Variants in PTER observed in about 807,000 individuals in gnomAD.
PTER encodes phosphotriesterase related, also known as N-acetyltaurine hydrolase.
In PTER, 38 loss-of-function variants were observed where a neutral mutation model predicts 29.6. That is an observed-to-expected ratio of 1.28 (90% CI 0.99 to 1.68). The LOEUF (loss-of-function observed/expected upper bound fraction) is 1.68. PTER is among the 40% of genes most tolerant of loss of function. The probability of loss-of-function intolerance (pLI) is 0.00; values close to 1 mark genes in which losing one functional copy is unlikely to be tolerated. For missense variants in PTER, 482 were observed against 427.8 expected, an observed-to-expected ratio of 1.13 and a Z score of -1.12; for synonymous variants, 172 against 154.5, an observed-to-expected ratio of 1.11 and a Z score of -0.84.
At chr10:16,438,432 A>G (rs1213872266) in intron 1 of PTER, among the ~76,000 whole-genome samples, 1 of 147,990 alleles carries the variant, frequency 6.8e-6, no homozygotes, top group Non-Finnish European at 1.5e-5. Context: ...ACAGGTGCAC[A>G]CCACCACGCC....
chr10:16,509,845 T>C (rs986051472), intron 4 of PTER, among the ~76,000 whole-genome samples: 1 of 152,188 alleles, frequency 6.6e-6, no homozygotes, highest in African/African-American at 2.4e-5. Flanking sequence ...TCCTTTGACC[T>C]GCAGATACAA....
At chr10:16,471,566 C>G (rs114611271) in intron 1 of PTER, among the ~76,000 whole-genome samples, 1 of 152,030 alleles carries the variant, frequency 6.6e-6, no homozygotes, top group Admixed American at 6.6e-5. Context: ...ACATACACTC[C>G]GTATAAATTT....
chr10:16,478,701 C>T lies in PTER; in HGVS notation c.-48-5636C>T, dbSNP rs113860443. ...AGAGAAATTTGGGAAGCCACTGGTA[C>T]CAGTTACAAGTTTGTAGACCACAGT... On this transcript the variant is annotated intron_variant, in intron 1 of 4. Transcript: ENST00000535784. 7.7e-3 allele frequency among the ~76,000 whole-genome samples: 1,169 copies of T among 152,012 alleles called. 18 individuals are homozygous for T. The highest frequency in any genetic ancestry group is 0.027 in the African/African-American group (1,113 of 41,454).
chr10:16,484,930 G>A, intron 2 of PTER, 114 bp downstream of exon 2: 1 of 1,228,184 alleles, frequency 8.1e-7, no homozygotes, highest in Non-Finnish European at 1.1e-6. Flanking sequence ...TTGCTAGCTA[G>A]CAAAGACATC....
intron 3 of PTER, among the ~76,000 whole-genome samples, chr10:16,493,289 A>T (rs1380380176): frequency 6.6e-6 from 1 of 152,236 alleles, no homozygotes; most frequent in Admixed American, 6.5e-5. Flanking sequence ...GACAAACTGA[A>T]ACTGAGCAAA....
rs1020222145 is a variant in PTER at position 16,512,794 on chromosome 10, T to C, written c.*1538T>C. The C allele has an allele frequency of 3.3e-5, 5 of 152,634 alleles. No homozygotes were observed. The East Asian group carries it at 9.6e-4, about 29-fold the overall frequency. 9.5% of individuals were successfully genotyped at this position (152,634 alleles called of 1,614,324 possible). A position where few individuals can be genotyped will look rare whatever the true frequency, so the allele number is the denominator to read the frequency against. ...TAAAATCTCTGTTTTTGAAATCTAC[T>C]CGTCAAAGAGTTTTCAGAGGCAATG... On this transcript the variant is annotated 3_prime_UTR_variant, in exon 5 of 5. Transcript: ENST00000535784.
chr10:16,446,242 G>A (rs1307519136), intron 1 of PTER, among the ~76,000 whole-genome samples: 1 of 148,550 alleles, frequency 6.7e-6, no homozygotes, highest in African/African-American at 2.5e-5. Context: ...TTTTGAGATA[G>A]AGTTGGTCTG....
At chr10:16,504,280 C>G (rs1294024845) in intron 3 of PTER, among the ~76,000 whole-genome samples, 1 of 152,146 alleles carries the variant, frequency 6.6e-6, no homozygotes, top group Non-Finnish European at 1.5e-5. Context: ...GTAGCCTGTA[C>G]TTGTCTTACA....
At chr10:16,470,035 T>C (rs1588602868) in intron 1 of PTER, among the ~76,000 whole-genome samples, 1 of 152,312 alleles carries the variant, frequency 6.6e-6, no homozygotes, top group East Asian at 1.9e-4. Context: ...TTGCTATCTA[T>C]TGTTATTGTC....
At chr10:16,514,165 A>G (rs1588639608), downstream of PTER, 2 of 399,358 alleles carry the variant, frequency 5.0e-6, no homozygotes, top group Admixed American at 4.4e-5. Flanking sequence ...CAAAGCTGAC[A>G]TATGGATAAA....
chr10:16,450,111 T>C (rs1194377343), intron 1 of PTER, among the ~76,000 whole-genome samples: 1 of 152,212 alleles, frequency 6.6e-6, no homozygotes, highest in Non-Finnish European at 1.5e-5. Context: ...TTTCTGCCTA[T>C]ATAAGTCAGA....
chr10:16,508,235 AT>A (rs1029518803), intron 4 of PTER, among the ~76,000 whole-genome samples: 1 of 151,276 alleles, frequency 6.6e-6, no homozygotes, highest in Admixed American at 6.6e-5. Context: ...CGCCCGGCTA[AT>A]TTTTTGTATT....
chr10:16,442,844 C>T (rs1833894085), intron 1 of PTER, among the ~76,000 whole-genome samples: 1 of 151,978 alleles, frequency 6.6e-6, no homozygotes, highest in Non-Finnish European at 1.5e-5. Context: ...GCCAGGCATA[C>T]GTCTGTAAGT....
rs369273452 is a variant in PTER, at chr10:16,442,706, G to A, written c.-49+5659G>A. ...TAAATTCAGAGCCTGCAGGCCAGGC[G>A]TGGTGTCTCATGCCTGTAATCCTAG... On this transcript the variant is annotated intron_variant, in intron 1 of 4. Coordinates refer to ENST00000535784, the MANE Select transcript of PTER (RefSeq NM_001261836.2). Among the ~76,000 whole-genome samples, 155 of 152,256 alleles carry A rather than the reference G, an allele frequency of 1.0e-3. 2 individuals are homozygous for A. The highest frequency in any genetic ancestry group is 2.5e-3 in the African/African-American group (103 of 41,544).
At chr10:16,487,375 A>G (rs1206784698) in intron 3 of PTER, among the ~76,000 whole-genome samples, 1 of 152,080 alleles carries the variant, frequency 6.6e-6, no homozygotes, top group Non-Finnish European at 1.5e-5. Context: ...TGGCTGCATA[A>G]CTACAGTTTT....
chr10:16,446,194 G>A (rs1311517410), intron 1 of PTER, among the ~76,000 whole-genome samples: 1 of 151,488 alleles, frequency 6.6e-6, no homozygotes, highest in Non-Finnish European at 1.5e-5. Flanking sequence ...AAATAGAGGT[G>A]CAATGCACGC....
intron 3 of PTER, among the ~76,000 whole-genome samples, chr10:16,503,370 G>A (rs1836438263): frequency 6.6e-6 from 1 of 151,770 alleles, no homozygotes; most frequent in South Asian, 2.1e-4. Flanking sequence ...GGGATTACAG[G>A]TGCCTGCCAC....
In PTER at chr10:16,511,265, C is replaced by T. The variant is rs554514334; in HGVS notation, c.*9C>T. On this transcript the variant is annotated 3_prime_UTR_variant, in exon 5 of 5. Coordinates refer to ENST00000535784, the MANE Select transcript of PTER (RefSeq NM_001261836.2). Reference sequence around the variant, plus strand: ...GGCTAACTTTCAAATAGGATGGTTGCTTATGAATTCACACCTTGAGTATAA... The same window carrying T: ...GGCTAACTTTCAAATAGGATGGTTGTTTATGAATTCACACCTTGAGTATAA... 1.2e-6 allele frequency: 2 copies of T among 1,606,340 alleles called. No individual in the cohort carries two copies. Among genetic ancestry groups the T allele is most frequent in the Non-Finnish European group, 1.7e-6 (2 of 1,173,246 alleles).
intron 1 of PTER, among the ~76,000 whole-genome samples, chr10:16,472,261 A>G (rs1003190767): frequency 6.6e-6 from 1 of 152,222 alleles, no homozygotes; most frequent in African/African-American, 2.4e-5. Context: ...TATTATTTTT[A>G]TGATTTAGCA....
Sources: allele counts gnomAD v4.1 joint callset (sites outside exome capture counted in the v4.1 genomes callset), GRCh38; gene constraint gnomAD v4.1.1; transcripts MANE v1.5; gene names NCBI Gene and HGNC (gene_info 2026-07-23, HGNC 2026-07-21).